The following TTC27 variants were observed in gnomAD, a reference collection of about 807,000 sequenced individuals.
The protein encoded by TTC27 is tetratricopeptide repeat protein 27.
In TTC27, 79 loss-of-function variants were observed where a neutral mutation model predicts 115.9. That is an observed-to-expected ratio of 0.68 (90% CI 0.57 to 0.82). The LOEUF (loss-of-function observed/expected upper bound fraction) is 0.82, where lower values mean the gene tolerates loss of function less well. Among genes scored for constraint, TTC27 ranks in the 40% least tolerant of loss-of-function variants. The pLI, the probability that TTC27 is intolerant of heterozygous loss-of-function variation, is 0.00. For missense variants in TTC27, 1,054 were observed against 993.1 expected (o/e 1.06, Z -0.82); for synonymous variants, 401 against 356.0 (o/e 1.13, Z -1.42).
intron 19 of TTC27, 51 bp from the exon 20 acceptor site, chr2:32,820,765 T>G (rs747402627): frequency 4.1e-6 from 6 of 1,469,952 alleles, no homozygotes; most frequent in South Asian, 1.4e-5. Flanking sequence ...TATTTTATTT[T>G]AAAGAAATTT....
intron 16 of TTC27, among the ~76,000 whole-genome samples, chr2:32,800,679 T>A (rs1670893432): frequency 6.6e-6 from 1 of 151,750 alleles, no homozygotes; most frequent in Non-Finnish European, 1.5e-5. Flanking sequence ...TGTATTTTTT[T>A]AGTAGAAATG....
At chr2:32,666,612 A>C in intron 6 of TTC27, 23 bp from the exon 7 acceptor site, 1 of 1,613,042 alleles carries the variant, frequency 6.2e-7, no homozygotes, top group Non-Finnish European at 8.5e-7. Flanking sequence ...AAGTCAGTAG[A>C]TATAATTTTA....
intron 13 of TTC27, among the ~76,000 whole-genome samples, chr2:32,768,281 G>T (rs1206191098): frequency 6.6e-6 from 1 of 151,932 alleles, no homozygotes; most frequent in Non-Finnish European, 1.5e-5. Context: ...AATAATTTTT[G>T]AATAGAATCA....
intron 13 of TTC27, among the ~76,000 whole-genome samples, chr2:32,773,111 G>C (rs1362709587): frequency 3.3e-5 from 5 of 152,164 alleles, no homozygotes; most frequent in Non-Finnish European, 7.4e-5. Flanking sequence ...GTTAAGTACA[G>C]GTATTATCAC....
At chr2:32,763,686 A>G (rs759583428) in intron 13 of TTC27, among the ~76,000 whole-genome samples, 4 of 152,246 alleles carry the variant, frequency 2.6e-5, no homozygotes, top group African/African-American at 7.2e-5. Context: ...CAGGGATGAG[A>G]TGCAAAACTA....
chr2:32,632,184 T>A (rs1476417621), intron 2 of TTC27, among the ~76,000 whole-genome samples: 3 of 150,502 alleles, frequency 2.0e-5, no homozygotes, highest in Non-Finnish European at 4.4e-5. Flanking sequence ...TTTTTTTAGT[T>A]CCTTTTTGTA....
chr2:32,695,152 A>G (rs763651961), intron 9 of TTC27, among the ~76,000 whole-genome samples: 1 of 152,174 alleles, frequency 6.6e-6, no homozygotes, highest in Non-Finnish European at 1.5e-5. Flanking sequence ...GAACTTTTTC[A>G]GCTTTCCAAA....
At chr2:32,660,835 T>C (rs1572487078) in intron 5 of TTC27, among the ~76,000 whole-genome samples, 1 of 152,194 alleles carries the variant, frequency 6.6e-6, no homozygotes, top group South Asian at 2.1e-4. Context: ...AGACATGAAG[T>C]CTTTGCCCAT....
At chr2:32,630,262 A>G (rs1175296691) in intron 1 of TTC27, among the ~76,000 whole-genome samples, 3 of 152,210 alleles carry the variant, frequency 2.0e-5, no homozygotes, top group South Asian at 2.1e-4. Flanking sequence ...CTAAATACCT[A>G]TTAATGAGGA....
chr2:32,670,776 C>T (rs1665985824), intron 7 of TTC27, among the ~76,000 whole-genome samples: 1 of 152,062 alleles, frequency 6.6e-6, no homozygotes, highest in South Asian at 2.1e-4. Flanking sequence ...CGCCACCATG[C>T]CTGGCTAATT....
chr2:32,712,497 T>C (rs1213516898), intron 10 of TTC27, among the ~76,000 whole-genome samples: 1 of 152,216 alleles, frequency 6.6e-6, no homozygotes, highest in African/African-American at 2.4e-5. Context: ...GAGTATAAAA[T>C]AGTGTTCTCT....
intron 13 of TTC27, among the ~76,000 whole-genome samples, chr2:32,776,327 T>C (rs1401717708): frequency 6.6e-6 from 1 of 152,058 alleles, no homozygotes; most frequent in African/African-American, 2.4e-5. Context: ...ATGGAACAAG[T>C]TTTGTGGGAA....
intron 14 of TTC27, among the ~76,000 whole-genome samples, chr2:32,778,677 T>A (rs1426061410): frequency 1.3e-5 from 2 of 152,258 alleles, no homozygotes; most frequent in East Asian, 3.8e-4. Context: ...AGTACTTTGT[T>A]CCTTTTTATG....
intron 13 of TTC27, among the ~76,000 whole-genome samples, chr2:32,773,521 A>G (rs1185912420): frequency 6.6e-6 from 1 of 152,152 alleles, no homozygotes; most frequent in African/African-American, 2.4e-5. Flanking sequence ...GCTTGTGTAT[A>G]GGCAGAATGG....
At chr2:32,671,506 C>T (rs1666015889) in intron 7 of TTC27, among the ~76,000 whole-genome samples, 1 of 152,146 alleles carries the variant, frequency 6.6e-6, no homozygotes, top group Admixed American at 6.5e-5. Context: ...AAAATCAATC[C>T]ATCATATATG....
chr2:32,810,953 T>G (rs1671296067), intron 16 of TTC27, 71 bp from the exon 17 acceptor site: 2 of 1,494,168 alleles, frequency 1.3e-6, no homozygotes, highest in East Asian at 2.3e-5. Context: ...TTGATGATGG[T>G]GAGATAGCTC....
intron 18 of TTC27, among the ~76,000 whole-genome samples, chr2:32,813,293 C>G (rs949330817): frequency 6.6e-6 from 1 of 152,182 alleles, no homozygotes; most frequent in East Asian, 1.9e-4. Flanking sequence ...TTACACCAAT[C>G]CTAAAGTTCT....
chr2:32,685,577 GT>G (rs750377433), intron 9 of TTC27, among the ~76,000 whole-genome samples: 76 of 152,116 alleles, frequency 5.0e-4, no homozygotes, highest in Admixed American at 3.4e-3. Context: ...TACAAAATTG[GT>G]TTAATATGAA....
At chr2:32,780,850 G>GT (rs141309612) in intron 14 of TTC27, among the ~76,000 whole-genome samples, 7,001 of 143,170 alleles carry the variant, frequency 0.049, 343 homozygotes, top group African/African-American at 0.13. Flanking sequence ...TCTAGTAGGT[G>GT]TTTTTTTTTT....
Sources: gnomAD v4.1 joint callset for allele counts (sites outside exome capture counted in the v4.1 genomes callset) on GRCh38, gnomAD v4.1.1 for gene constraint, MANE v1.5 for transcripts, NCBI Gene and HGNC (gene_info 2026-07-23, HGNC 2026-07-21) for gene names.